The following ADGRL2 variants were observed in gnomAD, a reference collection of about 807,000 sequenced individuals.
ADGRL2 encodes the protein calcium-independent alpha-latrotoxin receptor 2.
A neutral mutation model predicts 157.4 loss-of-function variants in ADGRL2; 44 were observed. That is an observed-to-expected ratio of 0.28 (90% CI 0.22 to 0.36). The LOEUF is 0.36. ADGRL2 is among the 10% of genes least tolerant of loss of function. The pLI, the probability that ADGRL2 is intolerant of heterozygous loss-of-function variation, is 1.00. For synonymous variants in ADGRL2, 585 were observed against 624.7 expected, an observed-to-expected ratio of 0.94 and a Z score of 0.95; for missense variants, 1,510 against 1,768.9, an observed-to-expected ratio of 0.85 and a Z score of 2.63.
rs542822521 is a variant in ADGRL2, at chr1:81,365,595, A to C, written c.-302+59086A>C. ...AAGTGAGACGACAGTTTTGTGACATAAAGGGCATCTCTTCACAGCACTGAT... is the reference window on the plus strand; with the variant it reads ...AAGTGAGACGACAGTTTTGTGACATCAAGGGCATCTCTTCACAGCACTGAT... On this transcript the variant is annotated intron_variant, in intron 1 of 24. Coordinates refer to the ADGRL2 transcript ENST00000370721. Among the ~76,000 whole-genome samples the C allele has an allele frequency of 5.3e-5, 8 of 152,318 alleles. No individual in the cohort carries two copies. The East Asian group carries it at 1.5e-3, about 29-fold the overall frequency.
chr1:81,503,234 C>A, intron 2 of ADGRL2: 1 of 1,614,188 alleles, frequency 6.2e-7, no homozygotes, highest in Non-Finnish European at 8.5e-7. Flanking sequence ...TCGGCTGCAG[C>A]ACTGAACCTG....
intron 2 of ADGRL2, among the ~76,000 whole-genome samples, chr1:81,574,945 T>G (rs777557744): frequency 1.3e-5 from 2 of 152,240 alleles, no homozygotes; most frequent in Non-Finnish European, 2.9e-5. Flanking sequence ...CCCCTCTGTG[T>G]GTACTTCCAG....
intron 2 of ADGRL2, among the ~76,000 whole-genome samples, chr1:81,573,679 G>A (rs376136064): frequency 2.6e-5 from 4 of 152,080 alleles, no homozygotes; most frequent in African/African-American, 7.2e-5. Flanking sequence ...GCTCTATCCC[G>A]TACAAAGTGG....
chr1:81,520,531 G>A (rs939056670), intron 2 of ADGRL2, among the ~76,000 whole-genome samples: 15 of 152,124 alleles, frequency 9.9e-5, no homozygotes, highest in African/African-American at 3.6e-4. Context: ...GGAGATGATT[G>A]GATCATGGGG....
chr1:81,828,892 T>C (rs796281105), intron 1 of ADGRL2, among the ~76,000 whole-genome samples: 6 of 151,910 alleles, frequency 3.9e-5, no homozygotes, highest in African/African-American at 1.4e-4. Context: ...TACCGTCTCA[T>C]CTAAATCTCC....
intron 2 of ADGRL2, among the ~76,000 whole-genome samples, chr1:81,848,885 C>A (rs921860359): frequency 4.6e-5 from 7 of 151,952 alleles, no homozygotes; most frequent in African/African-American, 7.2e-5. Context: ...TCAGTCCACA[C>A]AGATTATCAG....
At chr1:81,538,427 A>G (rs1309358718) in intron 2 of ADGRL2, among the ~76,000 whole-genome samples, 1 of 152,158 alleles carries the variant, frequency 6.6e-6, no homozygotes, top group Non-Finnish European at 1.5e-5. Flanking sequence ...GTCATTAGCC[A>G]GCAGGGGGAA....
At chr1:81,786,186 T>G (rs2149398622) in intron 2 of ADGRL2, among the ~76,000 whole-genome samples, 1 of 152,168 alleles carries the variant, frequency 6.6e-6, no homozygotes, top group East Asian at 1.9e-4. Context: ...AATTTGTATA[T>G]GAAGATAGAA....
chr1:81,631,315 C>T (rs774983265), intron 3 of ADGRL2, among the ~76,000 whole-genome samples: 9 of 152,058 alleles, frequency 5.9e-5, no homozygotes, highest in Non-Finnish European at 1.2e-4. Context: ...CTCCCCTGTT[C>T]AGGCAATTCT....
intron 2 of ADGRL2, among the ~76,000 whole-genome samples, chr1:81,870,410 A>G (rs2093661905): frequency 6.6e-6 from 1 of 152,116 alleles, no homozygotes; most frequent in Non-Finnish European, 1.5e-5. Flanking sequence ...TGGGAAAAAA[A>G]TATGAAACTT....
At chr1:81,673,505 C>T (rs996470002) in intron 3 of ADGRL2, among the ~76,000 whole-genome samples, 5 of 142,070 alleles carry the variant, frequency 3.5e-5, no homozygotes, top group African/African-American at 1.0e-4. Context: ...GAAACTGTGC[C>T]TTCTATTTTT....
intron 1 of ADGRL2, among the ~76,000 whole-genome samples, chr1:81,411,350 T>C (rs565696244): frequency 2.0e-5 from 3 of 152,356 alleles, no homozygotes; most frequent in African/African-American, 7.2e-5. Flanking sequence ...TTTTTCTTTA[T>C]TGGATGATGA....
intron 1 of ADGRL2, among the ~76,000 whole-genome samples, chr1:81,805,216 T>C (rs2088937286): frequency 6.6e-6 from 1 of 152,118 alleles, no homozygotes; most frequent in South Asian, 2.1e-4. Flanking sequence ...TCAATATCCA[T>C]GAATGAAAAA....
At chr1:81,697,755 G>C (rs772195262), upstream of ADGRL2, among the ~76,000 whole-genome samples, 1 of 152,088 alleles carries the variant, frequency 6.6e-6, no homozygotes, top group African/African-American at 2.4e-5. Flanking sequence ...AACAGAATTT[G>C]GTATGAAAAA....
chr1:81,444,119 A>G (rs1187830933), intron 1 of ADGRL2, among the ~76,000 whole-genome samples: 1 of 152,224 alleles, frequency 6.6e-6, no homozygotes, highest in Non-Finnish European at 1.5e-5. Flanking sequence ...CCAATGTATA[A>G]TAATCCCTTT....
intron 2 of ADGRL2, among the ~76,000 whole-genome samples, chr1:81,898,050 C>T (rs1291226329): frequency 1.3e-5 from 2 of 152,110 alleles, no homozygotes; most frequent in African/African-American, 4.8e-5. Context: ...CTTGGGGCTG[C>T]AGTGAACTAT....
intron 1 of ADGRL2, among the ~76,000 whole-genome samples, chr1:81,339,650 A>T (rs941332540): frequency 6.6e-5 from 10 of 152,174 alleles, no homozygotes; most frequent in Non-Finnish European, 1.3e-4. Flanking sequence ...GTTTCCCAGG[A>T]CTTGAAACCT....
At chr1:81,868,889 C>T (rs964363715) in intron 2 of ADGRL2, among the ~76,000 whole-genome samples, 6 of 151,874 alleles carry the variant, frequency 4.0e-5, no homozygotes, top group Non-Finnish European at 8.8e-5. Context: ...GGATACTGTC[C>T]GTATTTAGTA....
At chr1:81,356,736 G>A (rs1192347502) in intron 1 of ADGRL2, among the ~76,000 whole-genome samples, 2 of 151,662 alleles carry the variant, frequency 1.3e-5, no homozygotes, top group South Asian at 4.2e-4. Flanking sequence ...GGTGGATCCC[G>A]AGGTCAGGAG....
Sources: allele counts gnomAD v4.1 joint callset (sites outside exome capture counted in the v4.1 genomes callset), GRCh38; gene constraint gnomAD v4.1.1; transcripts MANE v1.5; gene names NCBI Gene and HGNC (gene_info 2026-07-23, HGNC 2026-07-21).